The following TEX15 variants were observed in gnomAD, a reference collection of about 807,000 sequenced individuals.
TEX15 encodes the protein testis expressed 15, meiosis and synapsis associated.
Under a neutral mutation model 237.3 loss-of-function variants are expected in TEX15, and 171 were observed. That is an observed-to-expected ratio of 0.72 (90% CI 0.64 to 0.82). The LOEUF (loss-of-function observed/expected upper bound fraction) is 0.82, where lower values mean the gene tolerates loss of function less well. TEX15 is among the 40% of genes least tolerant of loss of function. TEX15 has a pLI of 0.00. For missense variants in TEX15, 3,750 were observed against 3,646.5 expected (o/e 1.03, Z -0.73); for synonymous variants, 1,338 against 1,269.8 (o/e 1.05, Z -1.14).
intron 1 of TEX15, among the ~76,000 whole-genome samples, chr8:30,906,626 G>T (rs190876193): frequency 6.6e-6 from 1 of 150,690 alleles, no homozygotes; most frequent in East Asian, 1.9e-4. Context: ...GAGAGAACAA[G>T]CATATATTAA....
Position 30,837,067 on chromosome 8 carries a change from G to A in TEX15, c.9217C>T (p.Pro3073Ser). Residue 3073 changes from proline (P) to serine (S), a missense_variant, in exon 10 of 11, where the codon CCT becomes TCT. Coordinates refer to ENST00000643185, the MANE Select transcript of TEX15 (RefSeq NM_001350162.2). Reference protein sequence around the residue: ...GITSYEVQPSPSGLLTTVAST... With the variant: ...GITSYEVQPSSSGLLTTVAST... ...GCAACTGTGGTCAACAGCCCAGAAG[G>A]AGATGGCTGTACTTCATATGATGTT... The A allele has an allele frequency of 6.2e-7, 1 of 1,614,178 alleles. No homozygotes were observed. The highest frequency in any genetic ancestry group is 8.5e-7 in the Non-Finnish European group (1 of 1,180,038).
intron 9 of TEX15, 46 bp from the exon 10 acceptor site, chr8:30,838,107 G>A (rs1394181659): frequency 2.1e-6 from 3 of 1,459,070 alleles, no homozygotes; most frequent in Non-Finnish European, 2.8e-6. Context: ...AATATATAGG[G>A]TCATAAAATT....
intron 1 of TEX15, among the ~76,000 whole-genome samples, chr8:30,909,903 T>C (rs959451911): frequency 6.6e-6 from 1 of 152,178 alleles, no homozygotes; most frequent in Non-Finnish European, 1.5e-5. Flanking sequence ...GTGCAACACA[T>C]TCAGGGGCTG....
intron 7 of TEX15, among the ~76,000 whole-genome samples, chr8:30,855,562 T>G (rs1337291930): frequency 6.6e-6 from 1 of 152,156 alleles, no homozygotes; most frequent in Non-Finnish European, 1.5e-5. Context: ...TACAGAGTCT[T>G]CATATAACCC....
chr8:30,884,234 T>C (rs191450063), intron 3 of TEX15, among the ~76,000 whole-genome samples: 1 of 152,224 alleles, frequency 6.6e-6, no homozygotes, highest in Non-Finnish European at 1.5e-5. Flanking sequence ...TGGTATCTCA[T>C]CGTGGTTTTG....
At chr8:30,895,629 G>T (rs948527296) in intron 2 of TEX15, among the ~76,000 whole-genome samples, 1 of 134,066 alleles carries the variant, frequency 7.5e-6, no homozygotes, top group South Asian at 2.5e-4. Context: ...TTAGGTAAAT[G>T]TATAGGTTAT....
rs760461233 is a variant in TEX15 at position 30,846,247 on chromosome 8, G to C, written c.3920C>G (p.Ser1307Cys). Residue 1307 changes from serine to cysteine, a missense_variant, in exon 8 of 11, where the codon TCT (serine) becomes TGT (cysteine). Coordinates refer to ENST00000643185, the MANE Select transcript of TEX15 (RefSeq NM_001350162.2). The stretch of plus-strand genomic sequence containing the variant: ...ATGTGGTATGTTCTGATCCCTGGAA[G>C]ATATATGTAGCTTCCTTTTGCTAAT... ...SRISKRKLHI[S>C]SRDQNIPHKD... 4 of 1,613,492 alleles carry C rather than the reference G, an allele frequency of 2.5e-6. No individual in the cohort carries two copies. The highest frequency in any genetic ancestry group is 3.4e-6 in the Non-Finnish European group (4 of 1,179,676).
chr8:30,879,138 T>TTA (rs1554499781), intron 3 of TEX15, among the ~76,000 whole-genome samples: 2 of 152,104 alleles, frequency 1.3e-5, no homozygotes, highest in Non-Finnish European at 2.9e-5. Flanking sequence ...TTTTTTTTTT[T>TTA]ACCTACTGAA....
chr8:30,844,710 C>A lies in TEX15; in HGVS notation c.5457G>T (p.Leu1819=). The A allele has an allele frequency of 6.2e-7, 1 of 1,613,150 alleles. No individual in the cohort carries two copies. The highest frequency in any genetic ancestry group is 1.7e-4 in the Middle Eastern group (1 of 6,060). Residue 1819 remains leucine, a synonymous_variant, in exon 8 of 11, where the codon CTG becomes CTT. Coordinates refer to ENST00000643185, the MANE Select transcript of TEX15 (RefSeq NM_001350162.2). ...IVELSSSDSS[L]LLKDNVKGSS... ...AGCCTTTTACATTATCTTTTAAAAGCAGAGAACTATCACTGGAAGATAATT... is the reference window on the plus strand; with the variant it reads ...AGCCTTTTACATTATCTTTTAAAAGAAGAGAACTATCACTGGAAGATAATT...
At chr8:30,866,635 A>G (rs1415302363) in intron 5 of TEX15, among the ~76,000 whole-genome samples, 1 of 152,042 alleles carries the variant, frequency 6.6e-6, no homozygotes, top group African/African-American at 2.4e-5. Flanking sequence ...CTTATTCCAG[A>G]GACATAATAT....
chr8:30,895,226 A>C (rs1026742698), intron 2 of TEX15, among the ~76,000 whole-genome samples: 3 of 151,466 alleles, frequency 2.0e-5, no homozygotes, highest in Non-Finnish European at 4.4e-5. Context: ...CCTTGCACAA[A>C]ATGACTGTCA....
chr8:30,870,502 T>C (rs1288621791), intron 4 of TEX15, among the ~76,000 whole-genome samples: 1 of 152,042 alleles, frequency 6.6e-6, no homozygotes, highest in South Asian at 2.1e-4. Context: ...TATTTAGCTA[T>C]GGGGTGGGGG....
In TEX15 at chr8:30,847,650, C is replaced by A. The variant is rs756721011; in HGVS notation, c.2517G>T (p.Leu839=). The change falls in exon 8 of 11, where the codon CTG becomes CTT. Residue 839 remains leucine, a synonymous_variant. Coordinates refer to ENST00000643185, the MANE Select transcript of TEX15 (RefSeq NM_001350162.2). ...CATTGCTTAACTGTGAATTACAGAA[C>A]AGATTGTGATCCTGACCCCTATCTT... is the stretch of plus-strand genomic sequence containing the variant. ...YVEDRGQDHN[L]FCNSQLSNDI... is the part of the protein sequence containing the mutation. The A allele has an allele frequency of 3.7e-6, 6 of 1,613,596 alleles. No individual in the cohort carries two copies. In the Admixed American group the frequency reaches 8.3e-5, roughly 22 times the overall value.
At chr8:30,898,623 GAC>G (rs1808951359) in intron 2 of TEX15, 117 bp downstream of exon 2, 1 of 152,070 alleles carries the variant, frequency 6.6e-6, no homozygotes, top group South Asian at 2.1e-4. Flanking sequence ...TGTGATAAAA[GAC>G]ACTCTTCATC....
At chr8:30,883,990 T>C (rs1398196955) in intron 3 of TEX15, among the ~76,000 whole-genome samples, 1 of 152,140 alleles carries the variant, frequency 6.6e-6, no homozygotes, top group Non-Finnish European at 1.5e-5. Context: ...GGATCAAGCG[T>C]TCCTCCCACC....
In TEX15 at chr8:30,848,957, T is replaced by C; in HGVS notation, c.1210A>G (p.Lys404Glu). The change falls in exon 8 of 11, where the codon AAA (lysine) becomes GAA (glutamate). Residue 404 changes from lysine to glutamate, a missense_variant. Coordinates refer to ENST00000643185, the MANE Select transcript of TEX15 (RefSeq NM_001350162.2). The stretch of plus-strand genomic sequence containing the variant: ...GCATTAAGACCACTTAAAATATTTT[T>C]AAGACTTGTCCAATTTAACAAAAGG... ...GDLLLNWTSL[K>E]NILSGLNASF... 6.2e-7 allele frequency: 1 copy of C among 1,614,204 alleles called. No homozygotes were observed. Among genetic ancestry groups the C allele is most frequent in the Non-Finnish European group, 8.5e-7 (1 of 1,180,020 alleles).
At chr8:30,885,338 G>A (rs890540393) in intron 3 of TEX15, among the ~76,000 whole-genome samples, 1 of 152,010 alleles carries the variant, frequency 6.6e-6, no homozygotes, top group African/African-American at 2.4e-5. Context: ...GATAGTGAAT[G>A]GGTCTCATGA....
chr8:30,852,100 CTTTTTTTTTTTTT>C (rs910989172), intron 7 of TEX15, among the ~76,000 whole-genome samples: 2 of 90,424 alleles, frequency 2.2e-5, no homozygotes, highest in African/African-American at 5.5e-5. Flanking sequence ...TTAATTTAAT[CTTTTTTTTTTTTT>C]TTTTTTTTTT....
Position 30,856,932 on chromosome 8 carries a change from A to T in TEX15, c.850+1736T>A, listed in dbSNP as rs578040893. ...GCAGACCTTGATAAGCTGATTCTAA[A>T]ATTTCTATGACAGCAAAGGACCAGA... On this transcript the variant is annotated intron_variant, in intron 7 of 10. Coordinates refer to ENST00000643185, the MANE Select transcript of TEX15 (RefSeq NM_001350162.2). Among the ~76,000 whole-genome samples the T allele has an allele frequency of 8.8e-4, 134 of 152,312 alleles. 2 individuals are homozygous for T. In the South Asian group the frequency reaches 0.027, roughly 31 times the overall value.
Sources: gnomAD v4.1 joint callset for allele counts (sites outside exome capture counted in the v4.1 genomes callset) on GRCh38, gnomAD v4.1.1 for gene constraint, MANE v1.5 for transcripts, NCBI Gene and HGNC (gene_info 2026-07-23, HGNC 2026-07-21) for gene names.